FLI1: variants seen among roughly 807,000 people sequenced by gnomAD.
FLI1 encodes the protein Friend leukemia integration 1 transcription factor.
Under a neutral mutation model 53.1 loss-of-function variants are expected in FLI1, and 13 were observed. The observed-to-expected ratio is 0.24, with a 90% CI of 0.16 to 0.39. FLI1 has a LOEUF of 0.39. FLI1 is among the 10% of genes least tolerant of loss of function. The probability of loss-of-function intolerance (pLI) is 1.00; values close to 1 mark genes in which losing one functional copy is unlikely to be tolerated. For synonymous variants in FLI1, 244 were observed against 236.7 expected (o/e 1.03, Z -0.28); for missense variants, 424 against 600.5 (o/e 0.71, Z 3.07).
chr11:128,750,603 C>G (rs918064657), intron 1 of FLI1, among the ~76,000 whole-genome samples: 5 of 152,160 alleles, frequency 3.3e-5, no homozygotes, highest in African/African-American at 1.2e-4. Context: ...TTCCTTGCCC[C>G]TCTGGAGGCT....
chr11:128,800,285 C>A (rs993679149), intron 5 of FLI1, among the ~76,000 whole-genome samples: 134 of 152,230 alleles, frequency 8.8e-4, no homozygotes, highest in Admixed American at 2.6e-4. Context: ...TAGCAGCAAC[C>A]AGAAATTCAA....
At chr11:128,776,427 G>A (rs957439487) in intron 4 of FLI1, among the ~76,000 whole-genome samples, 1 of 152,216 alleles carries the variant, frequency 6.6e-6, no homozygotes, top group Admixed American at 6.5e-5. Flanking sequence ...AAGGCGGGTG[G>A]ATCACCTGAG....
chr11:128,746,597 A>G (rs950029716), intron 1 of FLI1, among the ~76,000 whole-genome samples: 12 of 152,132 alleles, frequency 7.9e-5, no homozygotes, highest in Non-Finnish European at 4.4e-5. Flanking sequence ...GCCTCAAGGG[A>G]CATTCTTAGA....
Position 128,810,778 on chromosome 11 carries a change from T to C in FLI1, c.1149T>C (p.Ser383=), listed in dbSNP as rs1184765149. Reference sequence around the variant, plus strand: ...AGTCGTCCATGTACAAGTACCCTTCTGACATCTCCTACATGCCTTCCTACC... The same window carrying C: ...AGTCGTCCATGTACAAGTACCCTTCCGACATCTCCTACATGCCTTCCTACC... ...PTESSMYKYP[S]DISYMPSYHA... Residue 383 remains serine, a synonymous_variant, in exon 9 of 9, where the codon TCT becomes TCC. Transcript: ENST00000527786. The surrounding 1 kb of genome is among the most constrained non-coding windows in gnomAD (Gnocchi z 6.6). 5 of 1,613,970 alleles carry C rather than the reference T, an allele frequency of 3.1e-6. No individual in the cohort carries two copies. In the East Asian group the frequency reaches 8.9e-5, roughly 29 times the overall value.
chr11:128,809,289 G>T, intron 8 of FLI1, 85 bp downstream of exon 8: 2 of 1,157,840 alleles, frequency 1.7e-6, no homozygotes, highest in South Asian at 2.4e-5. Context: ...CCTAAGTCCA[G>T]ACACCTGAGT....
intron 5 of FLI1, among the ~76,000 whole-genome samples, chr11:128,782,461 G>A (rs990189548): frequency 1.3e-5 from 2 of 152,136 alleles, no homozygotes; most frequent in Non-Finnish European, 2.9e-5. Context: ...TTGGGGGGCC[G>A]AAGTGGGTGG....
intron 1 of FLI1, among the ~76,000 whole-genome samples, chr11:128,697,930 G>T (rs547175451): frequency 6.6e-6 from 1 of 152,156 alleles, no homozygotes; most frequent in Non-Finnish European, 1.5e-5. Context: ...GAACAATAAC[G>T]CAGGTTAGGG....
intron 1 of FLI1, among the ~76,000 whole-genome samples, chr11:128,696,917 T>C (rs1339305669): frequency 6.6e-6 from 1 of 152,220 alleles, no homozygotes; most frequent in Non-Finnish European, 1.5e-5. Flanking sequence ...TGTGCATAAT[T>C]TGCACAACTC....
At chr11:128,703,472 T>C (rs1471078239) in intron 1 of FLI1, among the ~76,000 whole-genome samples, 1 of 152,128 alleles carries the variant, frequency 6.6e-6, no homozygotes, top group Non-Finnish European at 1.5e-5. Flanking sequence ...AACTACAAAA[T>C]GGGATAAAAT....
chr11:128,810,884 G>A lies in FLI1; in HGVS notation c.1255G>A (p.Ala419Thr), dbSNP rs186156572. Residue 419 changes from alanine (A) to threonine (T), a missense_variant, in exon 9 of 9, where the codon GCA becomes ACA. This residue lies in a region of FLI1 where 87 missense variants were observed against 100.0 expected (regional missense o/e 0.87). Coordinates refer to ENST00000527786, the MANE Select transcript of FLI1 (RefSeq NM_002017.5). The surrounding 1 kb of genome is among the most constrained non-coding windows in gnomAD (Gnocchi z 6.6). ...PVTSSSFFGA[A>T]SQYWTSPTGG... Reference sequence around the variant, plus strand: ...CACTTCCTCCAGCTTCTTTGGAGCCGCATCACAATACTGGACCTCCCCCAC... The same window carrying A: ...CACTTCCTCCAGCTTCTTTGGAGCCACATCACAATACTGGACCTCCCCCAC... The A allele has an allele frequency of 4.3e-5, 70 of 1,613,826 alleles. No individual in the cohort carries two copies. Among genetic ancestry groups the A allele is most frequent in the South Asian group, 2.5e-4 (23 of 91,094 alleles).
rs759062420 is a variant in FLI1, at chr11:128,768,404, G to A, written c.385+132G>A. On this transcript the variant is annotated intron_variant, in intron 3 of 8. Transcript: ENST00000527786. Reference sequence around the variant, plus strand: ...AAATGGAGAAAGCTGCACGCCAGCCGGGAGTGGTGGCTCGCGCCTGTAATC... The same window carrying A: ...AAATGGAGAAAGCTGCACGCCAGCCAGGAGTGGTGGCTCGCGCCTGTAATC... The A allele has an allele frequency of 9.7e-5, 108 of 1,117,800 alleles. No individual in the cohort carries two copies. The African/African-American group carries it at 1.2e-3, about 12-fold the overall frequency. 69.2% of individuals were successfully genotyped at this position (1,117,800 alleles called of 1,614,324 possible).
intron 1 of FLI1, among the ~76,000 whole-genome samples, chr11:128,738,672 A>G (rs191171718): frequency 1.8e-3 from 268 of 152,292 alleles, no homozygotes; most frequent in African/African-American, 6.2e-3. Flanking sequence ...CGTCTGTCCC[A>G]CCTACCTTAA....
At position 128,742,569 on chromosome 11, in the gene FLI1, A is replaced by G. The variant is rs79080432; in HGVS notation, c.19-15546A>G. On this transcript the variant is annotated intron_variant, in intron 1 of 8. Transcript: ENST00000527786. ...GGCTTTTTAAATTCAAATGAACTAA[A>G]GTTGACTAAAATTAAAAATTCAGTT... Among the ~76,000 whole-genome samples, 194 of 152,364 alleles carry G rather than the reference A, an allele frequency of 1.3e-3. 1 individual carries two copies. The East Asian group carries it at 0.026, about 21-fold the overall frequency.
intron 1 of FLI1, among the ~76,000 whole-genome samples, chr11:128,703,159 C>T (rs2135705574): frequency 6.6e-6 from 1 of 152,296 alleles, no homozygotes; most frequent in East Asian, 1.9e-4. Flanking sequence ...CCTAGGAGGA[C>T]AGCAGAGACT....
At chr11:128,808,018 C>G (rs1942830640) in intron 7 of FLI1, among the ~76,000 whole-genome samples, 1 of 152,010 alleles carries the variant, frequency 6.6e-6, no homozygotes, top group Non-Finnish European at 1.5e-5. Flanking sequence ...AACATTGTTC[C>G]CCATCTCCAC....
chr11:128,735,855 C>T (rs551148107), intron 1 of FLI1, among the ~76,000 whole-genome samples: 7 of 152,280 alleles, frequency 4.6e-5, no homozygotes, highest in Non-Finnish European at 1.0e-4. Context: ...TCAAATTTTC[C>T]TTCAAGGGTC....
chr11:128,761,152 T>A (rs1467796273), intron 2 of FLI1, among the ~76,000 whole-genome samples: 2 of 152,018 alleles, frequency 1.3e-5, no homozygotes, highest in Non-Finnish European at 2.9e-5. Flanking sequence ...CTCATAAGAC[T>A]CTAGCTGCTG....
At chr11:128,700,715 A>C (rs939874912) in intron 1 of FLI1, among the ~76,000 whole-genome samples, 2 of 152,138 alleles carry the variant, frequency 1.3e-5, no homozygotes, top group Non-Finnish European at 2.9e-5. Flanking sequence ...CTCTACAAAA[A>C]CTACAAAAAT....
intron 2 of FLI1, among the ~76,000 whole-genome samples, chr11:128,766,102 G>T (rs2135827461): frequency 6.6e-6 from 1 of 152,316 alleles, no homozygotes; most frequent in Non-Finnish European, 1.5e-5. Flanking sequence ...ACATGTGCAT[G>T]CATGTGTGTG....
Sources: gnomAD v4.1 joint callset for allele counts (sites outside exome capture counted in the v4.1 genomes callset) on GRCh38, gnomAD v4.1.1 for gene constraint, gnomAD v4.1.1 regional missense constraint, Gnocchi (gnomAD v3.1) non-coding constraint, MANE v1.5 for transcripts, NCBI Gene and HGNC (gene_info 2026-07-23, HGNC 2026-07-21) for gene names.